Variants in CDH18 observed in about 807,000 individuals in gnomAD.
CDH18 encodes cadherin 18, also known as cadherin-18.
Under a neutral mutation model 67.9 loss-of-function variants are expected in CDH18, and 31 were observed. That is an observed-to-expected ratio of 0.46 (90% CI 0.34 to 0.62). The LOEUF is 0.62. CDH18 is among the 20% of genes least tolerant of loss of function. The pLI, the probability that CDH18 is intolerant of heterozygous loss-of-function variation, is 0.01. For missense variants in CDH18, 890 were observed against 975.5 expected (o/e 0.91, Z 1.17); for synonymous variants, 362 against 347.2 (o/e 1.04, Z -0.48).
At position 19,739,462 on chromosome 5, in the gene CDH18, C is replaced by T. The variant is rs530462265; in HGVS notation, c.523+7480G>A. Among the ~76,000 whole-genome samples the T allele has an allele frequency of 3.9e-5, 6 of 152,118 alleles. 1 individual carries two copies. The highest frequency in any genetic ancestry group is 2.0e-4 in the Admixed American group (3 of 15,274). ...CCACTGCAGGTGAGGGAGGCACCTG[C>T]GCTGTTCGAGCTCCTAGATGACTAC... On this transcript the variant is annotated intron_variant, in intron 4 of 12. Coordinates refer to ENST00000382275, the MANE Select transcript of CDH18 (RefSeq NM_004934.5).
chr5:19,887,159 T>G (rs1788298773), intron 2 of CDH18, among the ~76,000 whole-genome samples: 2 of 148,116 alleles, frequency 1.4e-5, no homozygotes, highest in African/African-American at 5.0e-5. Flanking sequence ...TGTTTTTTGT[T>G]TTTTTTTTTT....
chr5:20,410,238 A>C (rs1746652707), intron 1 of CDH18, among the ~76,000 whole-genome samples: 1 of 151,854 alleles, frequency 6.6e-6, no homozygotes, highest in Non-Finnish European at 1.5e-5. Context: ...AGTCTTCAAC[A>C]AAGTGCTAGC....
At chr5:20,437,505 T>C (rs1444211118) in intron 1 of CDH18, among the ~76,000 whole-genome samples, 1 of 151,380 alleles carries the variant, frequency 6.6e-6, no homozygotes, top group African/African-American at 2.4e-5. Context: ...TCAGAGTAGA[T>C]AGCATAATTT....
intron 1 of CDH18, among the ~76,000 whole-genome samples, chr5:20,545,297 A>G (rs1757279302): frequency 6.6e-6 from 1 of 152,150 alleles, no homozygotes; most frequent in Non-Finnish European, 1.5e-5. Flanking sequence ...GGGTCTGGAG[A>G]ATGGTGGGCC....
At chr5:19,964,835 A>G (rs1797271072) in intron 2 of CDH18, among the ~76,000 whole-genome samples, 1 of 152,164 alleles carries the variant, frequency 6.6e-6, no homozygotes, top group South Asian at 2.1e-4. Flanking sequence ...CAATGTTGGT[A>G]GTAGCAATAG....
chr5:20,083,942 G>T (rs562944349), intron 2 of CDH18, among the ~76,000 whole-genome samples: 46 of 152,050 alleles, frequency 3.0e-4, no homozygotes, highest in Non-Finnish European at 5.6e-4. Context: ...GATTTGGGTG[G>T]GGACACAGCC....
intron 3 of CDH18, among the ~76,000 whole-genome samples, chr5:19,764,892 T>A (rs1772872067): frequency 6.6e-6 from 1 of 152,204 alleles, no homozygotes; most frequent in Admixed American, 6.5e-5. Flanking sequence ...AATTTGACTT[T>A]CCTTGTGCTC....
At chr5:20,103,173 A>G (rs1421726821) in intron 2 of CDH18, among the ~76,000 whole-genome samples, 1 of 152,164 alleles carries the variant, frequency 6.6e-6, no homozygotes, top group Admixed American at 6.6e-5. Context: ...ATCCCTTGTC[A>G]AATTGTTGTC....
intron 1 of CDH18, among the ~76,000 whole-genome samples, chr5:20,455,272 A>G (rs919703089): frequency 6.6e-6 from 1 of 152,084 alleles, no homozygotes; most frequent in Non-Finnish European, 1.5e-5. Context: ...CTGAGAAATC[A>G]CTGAAGATTG....
chr5:19,812,204 T>TACAGTCA (rs1355867033), intron 3 of CDH18, among the ~76,000 whole-genome samples: 2 of 151,924 alleles, frequency 1.3e-5, no homozygotes, highest in African/African-American at 2.4e-5. Context: ...ATAAATAGAG[T>TACAGTCA]ACAGTCATAG....
chr5:20,086,784 A>G lies in CDH18; in HGVS notation c.-517-94770T>C, dbSNP rs535728832. Among the ~76,000 whole-genome samples, 3 of 152,238 alleles carry G rather than the reference A, an allele frequency of 2.0e-5. No individual in the cohort carries two copies. The East Asian group carries it at 5.8e-4, about 29-fold the overall frequency. On this transcript the variant is annotated intron_variant, in intron 2 of 14. Transcript: ENST00000507958. ...AAAGAAAGACTCTTTCTAAATACTA[A>G]TGCTCATTGATAAGGTACCTGGTCA...
chr5:20,338,158 T>C (rs577985594), intron 1 of CDH18, among the ~76,000 whole-genome samples: 2 of 152,318 alleles, frequency 1.3e-5, no homozygotes, highest in East Asian at 3.9e-4. Flanking sequence ...AGCCAAACCA[T>C]ATCAATACTC....
chr5:19,990,413 G>A (rs1799916716), upstream of CDH18, among the ~76,000 whole-genome samples: 1 of 152,154 alleles, frequency 6.6e-6, no homozygotes, highest in Admixed American at 6.6e-5. Context: ...CTTCCTTGGT[G>A]GTTTTCCCTG....
At chr5:20,294,049 T>C (rs556776911) in intron 1 of CDH18, among the ~76,000 whole-genome samples, 5 of 152,310 alleles carry the variant, frequency 3.3e-5, no homozygotes, top group African/African-American at 1.2e-4. Context: ...TGTTAAATAA[T>C]AGAATGGATG....
chr5:19,527,122 TAAC>T lies in CDH18; in HGVS notation c.1391-6347_1391-6345del, dbSNP rs1227052358. Among the ~76,000 whole-genome samples the T allele has an allele frequency of 2.0e-5, 3 of 151,930 alleles. No homozygotes were observed. In the South Asian group the frequency reaches 6.2e-4, roughly 31 times the overall value. The stretch of plus-strand genomic sequence containing the variant: ...CGTGCTTGGTTAATGCTTTGTTTGT[TAAC>T]AAATATGTTTCCATTATTTTCTTTA... On this transcript the variant is annotated intron_variant, in intron 9 of 12. Coordinates refer to ENST00000382275, the MANE Select transcript of CDH18 (RefSeq NM_004934.5).
At chr5:19,893,662 G>C (rs903873689) in intron 2 of CDH18, among the ~76,000 whole-genome samples, 2 of 152,044 alleles carry the variant, frequency 1.3e-5, no homozygotes, top group South Asian at 4.1e-4. Context: ...GGGCACAACT[G>C]TAGGGGAACT....
intron 3 of CDH18, among the ~76,000 whole-genome samples, chr5:19,751,778 A>C (rs1770878982): frequency 6.6e-6 from 1 of 152,222 alleles, no homozygotes; most frequent in Admixed American, 6.5e-5. Flanking sequence ...GGTTATGTTA[A>C]AGAGTTAAAT....
Position 20,301,791 on chromosome 5 carries a change from T to TTTTC in CDH18, c.-579-46287_-579-46286insGAAA, listed in dbSNP as rs1271910439. On this transcript the variant is annotated intron_variant, in intron 1 of 14. Transcript: ENST00000507958. ...AGGTAGTTTGCTCTTTCTTTTTTCT[T>TTTTC]TTTTTTTTTTTTTTTTGGCATGCAG... is the stretch of plus-strand genomic sequence containing the variant. Among the ~76,000 whole-genome samples the TTTTC allele has an allele frequency of 1.3e-3, 41 of 31,766 alleles. 1 individual carries two copies. The highest frequency in any genetic ancestry group is 8.3e-3 in the East Asian group (26 of 3,142). The allele number at this position is 31,766 out of a possible 152,430, so 20.8% of individuals were successfully genotyped here.
intron 5 of CDH18, among the ~76,000 whole-genome samples, chr5:19,650,108 T>C (rs578252919): frequency 7.9e-5 from 12 of 152,178 alleles, no homozygotes; most frequent in African/African-American, 2.9e-4. Context: ...ATACTTACTG[T>C]ACACACATAT....
Sources: gnomAD v4.1 joint callset for allele counts (sites outside exome capture counted in the v4.1 genomes callset) on GRCh38, gnomAD v4.1.1 for gene constraint, MANE v1.5 for transcripts, NCBI Gene and HGNC (gene_info 2026-07-23, HGNC 2026-07-21) for gene names.